Variants in LRBA observed in about 807,000 individuals in gnomAD.
The protein encoded by LRBA is lipopolysaccharide-responsive and beige-like anchor protein.
A neutral mutation model predicts 330.0 loss-of-function variants in LRBA; 176 were observed. The observed-to-expected ratio is 0.53, with a 90% CI of 0.47 to 0.60. LRBA has a LOEUF of 0.60. Among genes scored for constraint, LRBA ranks in the 20% least tolerant of loss-of-function variants. The pLI, the probability that LRBA is intolerant of heterozygous loss-of-function variation, is 0.00. For missense variants in LRBA, 3,259 were observed against 3,444.8 expected (o/e 0.95, Z 1.35); for synonymous variants, 1,230 against 1,193.0 (o/e 1.03, Z -0.64).
At chr4:150,705,183 G>A (rs540775889) in intron 36 of LRBA, among the ~76,000 whole-genome samples, 28 of 152,198 alleles carry the variant, frequency 1.8e-4, no homozygotes, top group South Asian at 6.2e-4. Flanking sequence ...GCCGGTAACC[G>A]TCTAGAATGA....
chr4:150,355,470 G>C (rs1737712791), intron 47 of LRBA, among the ~76,000 whole-genome samples: 1 of 151,668 alleles, frequency 6.6e-6, no homozygotes, highest in Non-Finnish European at 1.5e-5. Flanking sequence ...AATATCTATG[G>C]GATAAATGAT....
intron 28 of LRBA, among the ~76,000 whole-genome samples, chr4:150,836,588 T>A (rs1382885600): frequency 6.6e-6 from 1 of 152,164 alleles, no homozygotes; most frequent in African/African-American, 2.4e-5. Context: ...TGCATAGAGG[T>A]GTTTATAGTA....
intron 40 of LRBA, among the ~76,000 whole-genome samples, chr4:150,572,843 T>C (rs1469932058): frequency 6.6e-6 from 1 of 152,094 alleles, no homozygotes; most frequent in Non-Finnish European, 1.5e-5. Context: ...CCTGCCTCTG[T>C]CACCCATTAC....
At chr4:150,958,339 G>C (rs1175637646) in intron 2 of LRBA, among the ~76,000 whole-genome samples, 5 of 149,106 alleles carry the variant, frequency 3.4e-5, no homozygotes, top group Non-Finnish European at 5.9e-5. Flanking sequence ...GCAATGGTGT[G>C]AGCTGTATAT....
chr4:150,425,488 C>T (rs1394856373), intron 46 of LRBA, among the ~76,000 whole-genome samples: 2 of 152,176 alleles, frequency 1.3e-5, no homozygotes, highest in African/African-American at 4.8e-5. Flanking sequence ...CCAGAGGTTA[C>T]ACCACAGTTC....
Position 150,415,434 on chromosome 4 carries a change from T to C in LRBA, c.7194+4A>G, listed in dbSNP as rs374748594. The C allele has an allele frequency of 1.6e-5, 26 of 1,612,234 alleles. No individual in the cohort carries two copies. The African/African-American group carries it at 3.3e-4, about 21-fold the overall frequency. ...ACAGACAGAGTAGATGATTATTATC[T>C]TACCAATCTGTTTATGTGAACAAAT... On this transcript the variant is annotated splice_donor_region_variant and intron_variant, in intron 47 of 56. Coordinates refer to ENST00000651943, the MANE Select transcript of LRBA (RefSeq NM_001364905.1).
chr4:150,622,688 C>CTTTTTTTTT lies in LRBA; in HGVS notation c.5922-23566_5922-23558dup, dbSNP rs10528461. 1.8e-3 allele frequency among the ~76,000 whole-genome samples: 191 copies of CTTTTTTTTT among 105,630 alleles called. 13 individuals are homozygous for CTTTTTTTTT. The highest frequency in any genetic ancestry group is 6.7e-3 in the African/African-American group (162 of 24,104). 69.3% of individuals were successfully genotyped at this position (105,630 alleles called of 152,430 possible). A position where few individuals can be genotyped will look rare whatever the true frequency, so the allele number is the denominator to read the frequency against. ...GAAGACAACAGTCACCTAAATCAATCTTTTTTTTTTTTTTTTTTTTTTTTT... is the reference window on the plus strand; with the variant it reads ...GAAGACAACAGTCACCTAAATCAATCTTTTTTTTTTTTTTTTTTTTTTTTTTTTTTTTTT... On this transcript the variant is annotated intron_variant, in intron 37 of 56. Transcript: ENST00000651943.
intron 37 of LRBA, among the ~76,000 whole-genome samples, chr4:150,608,169 C>T (rs937747257): frequency 2.0e-5 from 3 of 152,178 alleles, no homozygotes; most frequent in African/African-American, 7.2e-5. Context: ...TGAAATTGTG[C>T]CACTGCACTC....
intron 37 of LRBA, among the ~76,000 whole-genome samples, chr4:150,661,105 C>T (rs1048711792): frequency 9.4e-5 from 13 of 138,348 alleles, no homozygotes; most frequent in African/African-American, 3.1e-4. Context: ...AAAAAAGTTT[C>T]CAAATGAGGG....
chr4:150,770,872 G>A (rs900001861), intron 34 of LRBA, among the ~76,000 whole-genome samples: 3 of 152,120 alleles, frequency 2.0e-5, no homozygotes, highest in Admixed American at 1.3e-4. Context: ...TAATCACACA[G>A]TATGGTAATA....
chr4:150,752,543 TGAAATTTAGCCCAGGTA>T (rs1393385532), intron 35 of LRBA, among the ~76,000 whole-genome samples: 1 of 152,106 alleles, frequency 6.6e-6, no homozygotes, highest in Non-Finnish European at 1.5e-5. Context: ...CTTTCTCGGT[TGAAATTTAGCCCAGGTA>T]GTAGCCACTT....
At chr4:150,504,937 G>T (rs1480468822) in intron 40 of LRBA, among the ~76,000 whole-genome samples, 13 of 152,144 alleles carry the variant, frequency 8.5e-5, no homozygotes, top group Non-Finnish European at 1.0e-4. Flanking sequence ...TAGTCTCTGA[G>T]AAAACAGACT....
At chr4:150,433,952 T>G (rs1243388931) in intron 46 of LRBA, among the ~76,000 whole-genome samples, 3 of 152,122 alleles carry the variant, frequency 2.0e-5, no homozygotes, top group Non-Finnish European at 4.4e-5. Context: ...AAAGTATCTT[T>G]CACATAAGCA....
chr4:150,908,277 C>T, intron 11 of LRBA, 57 bp downstream of exon 11: 1 of 1,560,356 alleles, frequency 6.4e-7, no homozygotes, highest in Non-Finnish European at 8.7e-7. Context: ...TTGTATAGCT[C>T]AACAGTGATG....
intron 2 of LRBA, 64 bp downstream of exon 2, chr4:151,014,363 T>A (rs1255192272): frequency 7.3e-7 from 1 of 1,376,594 alleles, no homozygotes; most frequent in East Asian, 2.3e-5. Flanking sequence ...TGGCTCCAGC[T>A]TTAAGATCTT....
intron 2 of LRBA, among the ~76,000 whole-genome samples, chr4:150,957,520 A>C (rs1189485340): frequency 2.7e-5 from 4 of 148,200 alleles, no homozygotes; most frequent in Admixed American, 2.0e-4. Flanking sequence ...ACACAGCCAA[A>C]CCATATCATT....
At chr4:150,366,574 T>A (rs966149883) in intron 47 of LRBA, among the ~76,000 whole-genome samples, 2 of 152,136 alleles carry the variant, frequency 1.3e-5, no homozygotes, top group African/African-American at 4.8e-5. Context: ...AGGAGGGAGC[T>A]AGGCCGAGAG....
At position 150,264,993 on chromosome 4, in the gene LRBA, A is replaced by AAAAG. The variant is rs1217888697; in HGVS notation, c.*725_*728dup. 2.0e-5 allele frequency: 3 copies of AAAAG among 152,798 alleles called. No homozygotes were observed. Among genetic ancestry groups the AAAAG allele is most frequent in the East Asian group, 1.9e-4 (1 of 5,184 alleles). The allele number at this position is 152,798 out of a possible 1,614,324, so 9.5% of individuals were successfully genotyped here. On this transcript the variant is annotated 3_prime_UTR_variant, in exon 57 of 57. Transcript: ENST00000651943. ...GAGCTTTGGTACTTGCATTTACTTT[A>AAAAG]AAAGAAAAACAAATGTTGTGAGCTC...
chr4:150,363,674 T>C (rs1350070132), intron 47 of LRBA, among the ~76,000 whole-genome samples: 1 of 152,226 alleles, frequency 6.6e-6, no homozygotes, highest in Non-Finnish European at 1.5e-5. Context: ...CTCTAATTAG[T>C]TACTGTCATG....
Sources: gnomAD v4.1 joint callset for allele counts (sites outside exome capture counted in the v4.1 genomes callset) on GRCh38, gnomAD v4.1.1 for gene constraint, MANE v1.5 for transcripts, NCBI Gene and HGNC (gene_info 2026-07-23, HGNC 2026-07-21) for gene names.